ENTREP2: variants seen among roughly 807,000 people sequenced by gnomAD.
ENTREP2 encodes endosomal transmembrane epsin interactor 2, also known as protein ENTREP2.
the ENTREP2 span, among the ~76,000 whole-genome samples, chr15:29,292,115 C>T: frequency 1.3e-5 from 2 of 152,100 alleles, no homozygotes; most frequent in Non-Finnish European, 2.9e-5. Flanking sequence ...ATCTGCATAA[C>T]CCAAAGAATA....
At chr15:29,220,017 T>C in the ENTREP2 span, among the ~76,000 whole-genome samples, 2 of 151,504 alleles carry the variant, frequency 1.3e-5, no homozygotes, top group African/African-American at 2.4e-5. Flanking sequence ...TATGGAAAAA[T>C]AAAAAATAAA....
At chr15:29,487,359 G>A in the ENTREP2 span, among the ~76,000 whole-genome samples, 2 of 152,152 alleles carry the variant, frequency 1.3e-5, no homozygotes, top group Non-Finnish European at 1.5e-5. Flanking sequence ...TCAAGGCATA[G>A]CTGTAAAAAG....
the ENTREP2 span, among the ~76,000 whole-genome samples, chr15:29,562,402 C>T: frequency 6.6e-6 from 1 of 152,258 alleles, no homozygotes; most frequent in East Asian, 1.9e-4. Context: ...GGTGAAGCAA[C>T]ATCATGTCCA....
the ENTREP2 span, among the ~76,000 whole-genome samples, chr15:29,621,907 C>T: frequency 6.6e-6 from 1 of 152,174 alleles, no homozygotes; most frequent in African/African-American, 2.4e-5. Flanking sequence ...GTGGTGGATT[C>T]ATACAATGGA....
At chr15:29,538,628 A>G in the ENTREP2 span, among the ~76,000 whole-genome samples, 8 of 125,638 alleles carry the variant, frequency 6.4e-5, no homozygotes, top group East Asian at 1.9e-3. Context: ...CCCCGTCTCT[A>G]CTAAAAATAC....
the ENTREP2 span, among the ~76,000 whole-genome samples, chr15:29,317,200 C>T: frequency 0.12 from 18,163 of 152,154 alleles, 1,410 homozygotes; most frequent in African/African-American, 0.22. Flanking sequence ...ATACCAGATA[C>T]AATGATGTTA....
the ENTREP2 span, among the ~76,000 whole-genome samples, chr15:29,666,182 T>A: frequency 2.0e-5 from 3 of 151,190 alleles, no homozygotes; most frequent in African/African-American, 4.9e-5. Flanking sequence ...AAAAAAAAAA[T>A]TATTTATACA....
the ENTREP2 span, among the ~76,000 whole-genome samples, chr15:29,444,200 A>AAGAAAGAAAG: frequency 6.8e-6 from 1 of 146,144 alleles, no homozygotes; most frequent in African/African-American, 2.7e-5. Flanking sequence ...GAAAGAAAGA[A>AAGAAAGAAAG]AGAAAGAAAG....
At chr15:29,639,034 G>A in the ENTREP2 span, among the ~76,000 whole-genome samples, 1 of 152,226 alleles carries the variant, frequency 6.6e-6, no homozygotes, top group East Asian at 1.9e-4. Context: ...ATGACTCAGT[G>A]TGAGACTTTG....
the ENTREP2 span, among the ~76,000 whole-genome samples, chr15:29,505,632 C>A: frequency 6.6e-6 from 1 of 152,154 alleles, no homozygotes; most frequent in Admixed American, 6.5e-5. The surrounding 1 kb of genome is among the most constrained non-coding windows in gnomAD (Gnocchi z 4.3). Flanking sequence ...GAGTGGACCT[C>A]CAGCAAACTC....
the ENTREP2 span, among the ~76,000 whole-genome samples, chr15:29,180,536 C>T: frequency 1.3e-5 from 2 of 151,952 alleles, no homozygotes; most frequent in Admixed American, 6.6e-5. Context: ...TGGTGGCACA[C>T]GGCTGTGATC....
At chr15:29,514,289 A>G in the ENTREP2 span, among the ~76,000 whole-genome samples, 1 of 152,154 alleles carries the variant, frequency 6.6e-6, no homozygotes, top group Non-Finnish European at 1.5e-5. Flanking sequence ...GGTGCCTCGT[A>G]TGAGTGGAAT....
At chr15:29,414,206 G>A in the ENTREP2 span, among the ~76,000 whole-genome samples, 1 of 152,240 alleles carries the variant, frequency 6.6e-6, no homozygotes, top group South Asian at 2.1e-4. Context: ...ATTCTTTTCA[G>A]CACCATACCA....
chr15:29,233,801 T>G, the ENTREP2 span: 1 of 1,565,786 alleles, frequency 6.4e-7, no homozygotes, highest in Non-Finnish European at 8.8e-7. Context: ...CTCAACAGAC[T>G]GCCTTTGTTC....
the ENTREP2 span, among the ~76,000 whole-genome samples, chr15:29,491,375 G>C: frequency 2.6e-5 from 4 of 152,224 alleles, no homozygotes; most frequent in South Asian, 8.3e-4. Flanking sequence ...CAGACATCGA[G>C]GCCCAGGAGG....
chr15:29,147,456 A>T, the ENTREP2 span, among the ~76,000 whole-genome samples: 964 of 151,516 alleles, frequency 6.4e-3, 8 homozygotes, highest in African/African-American at 0.022. Flanking sequence ...CATGATGGTT[A>T]TAATTAAAAG....
chr15:29,570,568 G>A, the ENTREP2 span: 1 of 1,470,262 alleles, frequency 6.8e-7, no homozygotes, highest in South Asian at 1.3e-5. Context: ...GCGCCAGCGC[G>A]GCGAAGCTGA....
At chr15:29,288,394 A>G in the ENTREP2 span, among the ~76,000 whole-genome samples, 1 of 152,130 alleles carries the variant, frequency 6.6e-6, no homozygotes, top group Admixed American at 6.5e-5. Flanking sequence ...TTTCCCCATC[A>G]TCACCAACAC....
the ENTREP2 span, among the ~76,000 whole-genome samples, chr15:29,406,236 G>A: frequency 1.3e-5 from 2 of 152,064 alleles, no homozygotes; most frequent in Admixed American, 6.5e-5. Context: ...AATCACAAAC[G>A]TATGTGAAAA....
Sources: allele counts gnomAD v4.1 joint callset (sites outside exome capture counted in the v4.1 genomes callset), GRCh38; gene constraint gnomAD v4.1.1; non-coding constraint Gnocchi (gnomAD v3.1); transcripts MANE v1.5; gene names NCBI Gene and HGNC (gene_info 2026-07-23, HGNC 2026-07-21).